Variants in NPFFR2 observed in about 807,000 individuals in gnomAD.
NPFFR2 encodes the protein G-protein coupled receptor 74.
A neutral mutation model predicts 13.1 loss-of-function variants in NPFFR2; 15 were observed. The ratio of observed to expected loss-of-function variants is 1.15; its 90% CI spans 0.77 to 1.76. NPFFR2 has a LOEUF of 1.76. NPFFR2 is among the 40% of genes most tolerant of loss of function. The pLI is 0.00. For synonymous variants in NPFFR2, 190 were observed against 175.7 expected (o/e 1.08, Z -0.65); for missense variants, 572 against 503.5 (o/e 1.14, Z -1.30).
chr4:72,121,057 T>C (rs1289812298), intron 1 of NPFFR2, among the ~76,000 whole-genome samples: 8 of 151,890 alleles, frequency 5.3e-5, no homozygotes, highest in Non-Finnish European at 1.0e-4. Flanking sequence ...AGAACATAAA[T>C]GACCTGACGG....
At position 72,072,742 on chromosome 4, in the gene NPFFR2, ACT is replaced by A. The variant is rs1292081636; in HGVS notation, c.-8+40544_-8+40545del. On this transcript the variant is annotated intron_variant, in intron 1 of 3. Transcript: ENST00000308744. Reference sequence around the variant, plus strand: ...GTTCAATAGATTCTGAGTAGAATAAACTCAAAGATACTCAAAGTGAGATACAT... The same window carrying A: ...GTTCAATAGATTCTGAGTAGAATAAACAAAGATACTCAAAGTGAGATACAT... Among the ~76,000 whole-genome samples the A allele has an allele frequency of 1.5e-4, 23 of 152,274 alleles. No homozygotes were observed. The East Asian group carries it at 4.4e-3, about 29-fold the overall frequency.
At chr4:72,106,815 A>T (rs4694117) in intron 1 of NPFFR2, among the ~76,000 whole-genome samples, 1 of 151,768 alleles carries the variant, frequency 6.6e-6, no homozygotes, top group Admixed American at 6.6e-5. Context: ...CATTTTTATT[A>T]TTAGAAATCA....
chr4:72,047,844 G>C (rs1005753737), intron 1 of NPFFR2, among the ~76,000 whole-genome samples: 1 of 152,098 alleles, frequency 6.6e-6, no homozygotes, highest in African/African-American at 2.4e-5. Flanking sequence ...AGACACACAA[G>C]CATATATGCT....
In NPFFR2 at chr4:72,093,220, C is replaced by T. The variant is rs191863436; in HGVS notation, c.-7-35365C>T. 3.1e-3 allele frequency among the ~76,000 whole-genome samples: 465 copies of T among 152,210 alleles called. 5 individuals are homozygous for T. The highest frequency in any genetic ancestry group is 5.4e-3 in the Non-Finnish European group (368 of 67,994). The stretch of plus-strand genomic sequence containing the variant: ...TCTGCTGTTAATCAGATAGGTTTTC[C>T]TTTATAGTTTACCTTATGCTTTTGC... On this transcript the variant is annotated intron_variant, in intron 1 of 3. Transcript: ENST00000308744.
intron 3 of NPFFR2, among the ~76,000 whole-genome samples, chr4:72,140,341 T>C (rs1722564657): frequency 6.6e-6 from 1 of 152,204 alleles, no homozygotes; most frequent in African/African-American, 2.4e-5. Context: ...GTGCCAGTTT[T>C]CAAAGGGAAT....
intron 1 of NPFFR2, among the ~76,000 whole-genome samples, chr4:72,109,387 C>A (rs1446957613): frequency 6.6e-6 from 1 of 151,910 alleles, no homozygotes; most frequent in Non-Finnish European, 1.5e-5. Flanking sequence ...TAGTATTTGT[C>A]CTTCTGTTGC....
Position 72,032,043 on chromosome 4 carries a change from C to T in NPFFR2, c.-165C>T, listed in dbSNP as rs1718935741. ...CGGCGGGCCAGCCTGGAGCGGAAGC[C>T]TGGAGTGGAGCAGGCAGTCCGCGGG... On this transcript the variant is annotated 5_prime_UTR_variant, in exon 1 of 4. Coordinates refer to ENST00000308744, the MANE Select transcript of NPFFR2 (RefSeq NM_004885.3). The T allele has an allele frequency of 1.9e-6, 3 of 1,614,076 alleles. No individual in the cohort carries two copies. The highest frequency in any genetic ancestry group is 2.5e-6 in the Non-Finnish European group (3 of 1,180,008).
chr4:72,135,378 A>G (rs1722378137), intron 2 of NPFFR2, among the ~76,000 whole-genome samples: 1 of 151,834 alleles, frequency 6.6e-6, no homozygotes, highest in South Asian at 2.1e-4. Context: ...ACTCATATTA[A>G]TCAGATATTA....
intron 1 of NPFFR2, among the ~76,000 whole-genome samples, chr4:72,079,003 C>T (rs2109791013): frequency 6.6e-6 from 1 of 151,620 alleles, no homozygotes; most frequent in Non-Finnish European, 1.5e-5. Flanking sequence ...GTTATTTTGA[C>T]TGTAGTCATG....
intron 2 of NPFFR2, among the ~76,000 whole-genome samples, chr4:72,132,159 C>A (rs1722264152): frequency 6.6e-6 from 1 of 151,568 alleles, no homozygotes; most frequent in South Asian, 2.1e-4. Context: ...TCTCTTCGTC[C>A]TTACTCCCTC....
At chr4:72,039,984 T>C (rs1363428080) in intron 1 of NPFFR2, among the ~76,000 whole-genome samples, 1 of 152,180 alleles carries the variant, frequency 6.6e-6, no homozygotes, top group Non-Finnish European at 1.5e-5. Context: ...TCTTCAGATG[T>C]TTGGACTTCT....
At chr4:72,138,312 G>T (rs1478277481) in intron 3 of NPFFR2, among the ~76,000 whole-genome samples, 173 bp downstream of exon 3, 1 of 152,124 alleles carries the variant, frequency 6.6e-6, no homozygotes, top group Non-Finnish European at 1.5e-5. Context: ...TGCACAACGT[G>T]CAGGTTTCTT....
At chr4:72,095,463 A>G (rs1721038016) in intron 1 of NPFFR2, among the ~76,000 whole-genome samples, 1 of 152,228 alleles carries the variant, frequency 6.6e-6, no homozygotes, top group South Asian at 2.1e-4. Context: ...TACATCACTG[A>G]ATATATCACT....
At chr4:72,092,657 C>T (rs75393054) in intron 1 of NPFFR2, among the ~76,000 whole-genome samples, 2,411 of 152,118 alleles carry the variant, frequency 0.016, 38 homozygotes, top group African/African-American at 0.044. Flanking sequence ...GGAATAGTTA[C>T]TCCTGCTCAT....
chr4:72,112,858 C>G (rs971895616), intron 1 of NPFFR2, among the ~76,000 whole-genome samples: 6 of 151,888 alleles, frequency 4.0e-5, no homozygotes, highest in Non-Finnish European at 7.4e-5. Context: ...GGTTGCTATG[C>G]TTCTACTTTT....
chr4:72,109,785 C>A (rs1469333333), intron 1 of NPFFR2, among the ~76,000 whole-genome samples: 1 of 151,948 alleles, frequency 6.6e-6, no homozygotes, highest in Non-Finnish European at 1.5e-5. Context: ...AGTGAAAAGT[C>A]TTTGAACTGC....
intron 1 of NPFFR2, among the ~76,000 whole-genome samples, chr4:72,083,051 G>A (rs1040925126): frequency 6.6e-6 from 1 of 151,420 alleles, no homozygotes; most frequent in African/African-American, 2.4e-5. Context: ...ACATTCATAT[G>A]TATATGTGTG....
At chr4:72,032,297 G>A in intron 1 of NPFFR2, 97 bp downstream of exon 1, 1 of 1,303,530 alleles carries the variant, frequency 7.7e-7, no homozygotes, top group Non-Finnish European at 1.0e-6. Flanking sequence ...ATTAGCGATT[G>A]TGGACCGACA....
intron 1 of NPFFR2, among the ~76,000 whole-genome samples, chr4:72,123,974 G>C (rs1027046059): frequency 6.6e-6 from 1 of 152,290 alleles, no homozygotes; most frequent in East Asian, 1.9e-4. Context: ...AAGTCAAATT[G>C]TTCCTGTTTG....
Sources: allele counts gnomAD v4.1 joint callset (sites outside exome capture counted in the v4.1 genomes callset), GRCh38; gene constraint gnomAD v4.1.1; transcripts MANE v1.5; gene names NCBI Gene and HGNC (gene_info 2026-07-23, HGNC 2026-07-21).